The following AFDN variants were observed in gnomAD, a reference collection of about 807,000 sequenced individuals.
AFDN encodes afadin.
Under a neutral mutation model 216.6 loss-of-function variants are expected in AFDN, and 68 were observed. The ratio of observed to expected loss-of-function variants is 0.31; its 90% CI spans 0.26 to 0.38. AFDN has a LOEUF of 0.38. AFDN is among the 10% of genes least tolerant of loss of function. The probability of loss-of-function intolerance (pLI) is 1.00; values close to 1 mark genes in which losing one functional copy is unlikely to be tolerated. For synonymous variants in AFDN, 868 were observed against 853.7 expected (o/e 1.02, Z -0.29); for missense variants, 2,136 against 2,342.0 (o/e 0.91, Z 1.82).
intron 1 of AFDN, among the ~76,000 whole-genome samples, chr6:167,845,131 A>T (rs1338062508): frequency 1.3e-5 from 2 of 152,076 alleles, no homozygotes; most frequent in Non-Finnish European, 2.9e-5. Flanking sequence ...CAAAATGCTG[A>T]GATTACAGAC....
At chr6:167,934,761 C>A (rs1793771670) in intron 23 of AFDN, among the ~76,000 whole-genome samples, 1 of 152,062 alleles carries the variant, frequency 6.6e-6, no homozygotes, top group African/African-American at 2.4e-5. Context: ...ACGTTGTACT[C>A]CCACACGCAC....
chr6:167,876,702 A>T (rs771038001), intron 5 of AFDN, among the ~76,000 whole-genome samples: 5 of 152,312 alleles, frequency 3.3e-5, no homozygotes, highest in South Asian at 2.1e-4. Context: ...ATCAATTTTT[A>T]TATCTAACTT....
chr6:167,865,093 T>C (rs1007615995), intron 2 of AFDN, among the ~76,000 whole-genome samples: 4 of 35,238 alleles, frequency 1.1e-4, no homozygotes, highest in East Asian at 4.5e-4. Context: ...GTGGCTCTTA[T>C]GTAGAGATTA....
Position 167,915,046 on chromosome 6 carries a change from T to G in AFDN, c.2300-122T>G. The G allele has an allele frequency of 3.0e-6, 3 of 1,014,302 alleles. No homozygotes were observed. The South Asian group carries it at 4.7e-5, about 16-fold the overall frequency. 62.8% of individuals were successfully genotyped at this position (1,014,302 alleles called of 1,614,324 possible). ...GTTTCCTCTTGGAATGAAGTTGATA[T>G]TTTTAAAGTAATTAAACGGCACTTA... On this transcript the variant is annotated intron_variant, in intron 18 of 33. Transcript: ENST00000683244.
chr6:167,935,034 A>C (rs905409788), intron 23 of AFDN, among the ~76,000 whole-genome samples: 4 of 152,072 alleles, frequency 2.6e-5, no homozygotes, highest in Non-Finnish European at 5.9e-5. Flanking sequence ...TTTTTATTAT[A>C]ATTTTTGATA....
At chr6:167,875,561 T>C in intron 5 of AFDN, 66 bp downstream of exon 5, 2 of 1,517,032 alleles carry the variant, frequency 1.3e-6, no homozygotes, top group South Asian at 2.5e-5. Flanking sequence ...ACACTGTACG[T>C]GCGTGAGACT....
At position 167,933,539 on chromosome 6, in the gene AFDN, T is replaced by C. The variant is rs374810998; in HGVS notation, c.3099+8448T>C. 4.0e-3 allele frequency among the ~76,000 whole-genome samples: 602 copies of C among 152,338 alleles called. 4 individuals are homozygous for C. The highest frequency in any genetic ancestry group is 0.014 in the African/African-American group (580 of 41,574). On this transcript the variant is annotated intron_variant, in intron 23 of 33. Coordinates refer to ENST00000683244, the MANE Select transcript of AFDN (RefSeq NM_001386888.1). ...AAGTCAGGAAATTCCGGGTTCCTTT[T>C]TAGTCAGTTCCAAAGACCTATTGTG...
intron 29 of AFDN, among the ~76,000 whole-genome samples, chr6:167,950,854 CTTT>C (rs562302204): frequency 7.8e-6 from 1 of 127,402 alleles, no homozygotes; most frequent in Non-Finnish European, 1.7e-5. Flanking sequence ...TGCTTTTTTG[CTTT>C]TTTTTTTTTT....
chr6:167,889,261 A>C lies in AFDN; in HGVS notation c.944A>C (p.Lys315Thr). The change falls in exon 7 of 34, where the codon AAA becomes ACA. Residue 315 changes from lysine to threonine, a missense_variant. Lys to Thr is a moderately conservative substitution (Grantham distance 78, BLOSUM62 -1). Around this residue, in one of 8 missense-constraint regions of AFDN, gnomAD observed 817 missense variants for 965.7 expected, o/e 0.85. Transcript: ENST00000683244. The stretch of plus-strand genomic sequence containing the variant: ...CAGCATTCTGATGAAAAGGGTGCTA[A>C]AGAAATTATTCTTGATGATGATGAG... Reference protein sequence around the residue: ...GAQHSDEKGAKEIILDDDECP... With the variant: ...GAQHSDEKGATEIILDDDECP... The C allele has an allele frequency of 6.2e-7, 1 of 1,614,080 alleles. No homozygotes were observed. The highest frequency in any genetic ancestry group is 8.5e-7 in the Non-Finnish European group (1 of 1,179,958).
chr6:167,902,011 T>G (rs1258670449), intron 11 of AFDN, among the ~76,000 whole-genome samples: 1 of 150,162 alleles, frequency 6.7e-6, no homozygotes, highest in East Asian at 2.0e-4. Flanking sequence ...GAGTATCACT[T>G]GAACTGAGGA....
chr6:167,963,164 A>G (rs1797207436), intron 31 of AFDN: 1 of 1,065,876 alleles, frequency 9.4e-7, no homozygotes, highest in Non-Finnish European at 1.1e-6. Context: ...ATTGAATTTT[A>G]AAATGACAGC....
intron 19 of AFDN, among the ~76,000 whole-genome samples, chr6:167,916,447 G>A (rs187126387): frequency 2.0e-5 from 3 of 152,310 alleles, no homozygotes; most frequent in Admixed American, 2.0e-4. Context: ...ATTGAGATCA[G>A]TAAGATGGAT....
At chr6:167,954,846 T>C (rs978257969) in intron 30 of AFDN, among the ~76,000 whole-genome samples, 1 of 152,212 alleles carries the variant, frequency 6.6e-6, no homozygotes, top group Admixed American at 6.5e-5. Context: ...AGACATAGAT[T>C]TTAAATATTC....
At position 167,918,939 on chromosome 6, in the gene AFDN, T is replaced by C; in HGVS notation, c.2908+6T>C. 1 of 1,610,738 alleles carries C rather than the reference T, an allele frequency of 6.2e-7. No individual in the cohort carries two copies. Among genetic ancestry groups the C allele is most frequent in the East Asian group, 2.2e-5 (1 of 44,816 alleles). On this transcript the variant is annotated splice_donor_region_variant and intron_variant, in intron 21 of 33. Coordinates refer to ENST00000683244, the MANE Select transcript of AFDN (RefSeq NM_001386888.1). Reference sequence around the variant, plus strand: ...AGACCCTCTGTGCCAGAGAGGTAAATTAGTCTAAATGCCTGAGTCTGAGCT... The same window carrying C: ...AGACCCTCTGTGCCAGAGAGGTAAACTAGTCTAAATGCCTGAGTCTGAGCT...
chr6:167,934,969 G>T (rs573714454), intron 23 of AFDN, among the ~76,000 whole-genome samples: 10 of 152,208 alleles, frequency 6.6e-5, no homozygotes, highest in Admixed American at 4.6e-4. Context: ...ATAGGTGCGT[G>T]CTTCTTTCTC....
At chr6:167,840,103 G>A (rs1227083059) in intron 1 of AFDN, among the ~76,000 whole-genome samples, 2 of 152,180 alleles carry the variant, frequency 1.3e-5, no homozygotes, top group Non-Finnish European at 1.5e-5. Flanking sequence ...GCTCATGGGC[G>A]GTGGACCTTT....
Position 167,915,430 on chromosome 6 carries a change from G to A in AFDN, c.2562G>A (p.Val854=), listed in dbSNP as rs766439231. 2.5e-6 allele frequency: 4 copies of A among 1,606,080 alleles called. No homozygotes were observed. The highest frequency in any genetic ancestry group is 3.4e-6 in the Non-Finnish European group (4 of 1,174,732). ...CGGACTGTCATCTGAGCAGGATCGT[G>A]CAGGTGATTGCTGGTGCCACTCCCC... ...LAADCHLSRI[V]QATTLLTMDK... Residue 854 remains valine (V), a synonymous_variant, in exon 19 of 34, where the codon GTG becomes GTA. Transcript: ENST00000683244.
At chr6:167,881,582 G>C (rs1786114809) in intron 6 of AFDN, among the ~76,000 whole-genome samples, 1 of 152,218 alleles carries the variant, frequency 6.6e-6, no homozygotes, top group Non-Finnish European at 1.5e-5. Context: ...TTCTAAGGCA[G>C]TGTTGAAAGT....
rs1002639540 is a variant in AFDN, at chr6:167,962,981, C to T, written c.4968+414C>T. On this transcript the variant is annotated intron_variant, in intron 31 of 33. Transcript: ENST00000683244. The surrounding 1 kb of genome is among the most constrained non-coding windows in gnomAD (Gnocchi z 5.2). ...GGAGCGTAGTAAGACAGTTGGCTGC[C>T]ATTCAACATTTCAAATAGATGGTTT... 16 of 1,089,002 alleles carry T rather than the reference C, an allele frequency of 1.5e-5. No homozygotes were observed. The African/African-American group carries it at 2.1e-4, about 14-fold the overall frequency. 67.5% of individuals were successfully genotyped at this position (1,089,002 alleles called of 1,614,324 possible).
Sources: allele counts gnomAD v4.1 joint callset (sites outside exome capture counted in the v4.1 genomes callset), GRCh38; gene constraint gnomAD v4.1.1; regional missense constraint gnomAD v4.1.1; non-coding constraint Gnocchi (gnomAD v3.1); transcripts MANE v1.5; gene names NCBI Gene and HGNC (gene_info 2026-07-23, HGNC 2026-07-21).